FBN2: variants seen among roughly 807,000 people sequenced by gnomAD.
The protein encoded by FBN2 is fibrillin 2, also known as fibrillin-2.
FBN2 carries 105 observed loss-of-function variants against 355.6 expected under a neutral mutation model. The ratio of observed to expected loss-of-function variants is 0.30; its 90% CI spans 0.25 to 0.35. The LOEUF is 0.35. FBN2 is among the 10% of genes least tolerant of loss of function. The pLI is 1.00. For synonymous variants in FBN2, 1,350 were observed against 1,301.2 expected (o/e 1.04, Z -0.81); for missense variants, 3,280 against 3,758.7 (o/e 0.87, Z 3.33).
At chr5:128,450,373 T>C (rs1340842228) in intron 6 of FBN2, among the ~76,000 whole-genome samples, 4 of 151,586 alleles carry the variant, frequency 2.6e-5, no homozygotes, top group African/African-American at 9.7e-5. Context: ...TAGAAAGTAA[T>C]AAAGGAAAAA....
At chr5:128,495,397 G>C (rs1295286854) in intron 5 of FBN2, among the ~76,000 whole-genome samples, 1 of 152,080 alleles carries the variant, frequency 6.6e-6, no homozygotes, top group African/African-American at 2.4e-5. Context: ...GATATTCAGA[G>C]AAACAGCAGA....
In FBN2 at chr5:128,323,010, T is replaced by G. The variant is rs554398110; in HGVS notation, c.4472-4009A>C. Among the ~76,000 whole-genome samples the G allele has an allele frequency of 3.7e-4, 56 of 152,224 alleles. 1 individual carries two copies. The highest frequency in any genetic ancestry group is 3.3e-3 in the South Asian group (16 of 4,826). On this transcript the variant is annotated intron_variant, in intron 34 of 64. Coordinates refer to ENST00000262464, the MANE Select transcript of FBN2 (RefSeq NM_001999.4). Reference sequence around the variant, plus strand: ...ACATCCCTTGTAAGTTGTATTCCTATGTATTTTATTCTCTTTGTAGCAATT... The same window carrying G: ...ACATCCCTTGTAAGTTGTATTCCTAGGTATTTTATTCTCTTTGTAGCAATT...
intron 7 of FBN2, among the ~76,000 whole-genome samples, chr5:128,427,591 G>T (rs547444452): frequency 2.0e-5 from 3 of 152,280 alleles, no homozygotes; most frequent in East Asian, 3.9e-4. Flanking sequence ...AAATAAAGCT[G>T]CTCTTTATTA....
chr5:128,333,138 CG>C (rs2126892361), intron 31 of FBN2, 104 bp from the exon 32 acceptor site: 2 of 1,026,176 alleles, frequency 1.9e-6, no homozygotes, highest in South Asian at 2.7e-5. Context: ...AAGATGCAAC[CG>C]TATGGAGAAA....
In FBN2 at chr5:128,378,884, TCAA is replaced by T. The variant is rs863223594; in HGVS notation, c.1607_1609del (p.Val536del). 1.2e-6 allele frequency: 2 copies of T among 1,613,120 alleles called. No homozygotes were observed. Among genetic ancestry groups the T allele is most frequent in the Non-Finnish European group, 1.7e-6 (2 of 1,179,286 alleles). Reference sequence around the variant, plus strand: ...AGTGCAGGGATTTGATGTGCATTCATCAACATCTGTGAGCAGCAAAAGAAACCA... The same window carrying T: ...AGTGCAGGGATTTGATGTGCATTCATCATCTGTGAGCAGCAAAAGAAACCA... On this transcript the variant is annotated inframe_deletion, in exon 12 of 65. Coordinates refer to ENST00000262464, the MANE Select transcript of FBN2 (RefSeq NM_001999.4).
At chr5:128,512,827 T>C (rs1341017934) in intron 5 of FBN2, among the ~76,000 whole-genome samples, 1 of 152,214 alleles carries the variant, frequency 6.6e-6, no homozygotes, top group African/African-American at 2.4e-5. Context: ...ATCATTTTGA[T>C]AACTGGGGAG....
At chr5:128,524,821 T>C (rs1433934399) in intron 4 of FBN2, among the ~76,000 whole-genome samples, 1 of 152,148 alleles carries the variant, frequency 6.6e-6, no homozygotes, top group Non-Finnish European at 1.5e-5. Context: ...CTATTATCCC[T>C]GAGGTAAACA....
chr5:128,302,262 G>T (rs529397892), intron 46 of FBN2, among the ~76,000 whole-genome samples: 1 of 152,172 alleles, frequency 6.6e-6, no homozygotes, highest in Non-Finnish European at 1.5e-5. Context: ...AGGGCCATGC[G>T]AATTACAACA....
chr5:128,533,474 A>G (rs1756761958), intron 2 of FBN2, among the ~76,000 whole-genome samples: 1 of 152,212 alleles, frequency 6.6e-6, no homozygotes, highest in Non-Finnish European at 1.5e-5. Context: ...TCCCACAATT[A>G]CTAAAACTAT....
intron 5 of FBN2, among the ~76,000 whole-genome samples, chr5:128,497,190 T>C (rs1755677453): frequency 1.3e-5 from 2 of 152,202 alleles, no homozygotes; most frequent in African/African-American, 2.4e-5. Flanking sequence ...TTTTGAGTTA[T>C]AATGAAGGGC....
At chr5:128,264,309 C>CA (rs1765062845) in intron 62 of FBN2, among the ~76,000 whole-genome samples, 1 of 148,302 alleles carries the variant, frequency 6.7e-6, no homozygotes, top group East Asian at 2.0e-4. Flanking sequence ...CGATGGAAAA[C>CA]AACACTATTT....
At chr5:128,431,641 A>G (rs1250637345) in intron 7 of FBN2, among the ~76,000 whole-genome samples, 1 of 152,128 alleles carries the variant, frequency 6.6e-6, no homozygotes, top group African/African-American at 2.4e-5. Flanking sequence ...TCATCTTTTC[A>G]TTTAAAAGGG....
intron 5 of FBN2, among the ~76,000 whole-genome samples, chr5:128,489,175 T>G (rs1755433778): frequency 6.6e-6 from 1 of 152,194 alleles, no homozygotes; most frequent in Non-Finnish European, 1.5e-5. Context: ...TTTCCTGACT[T>G]TTTAATGATT....
At chr5:128,507,475 T>C (rs1032146559) in intron 5 of FBN2, among the ~76,000 whole-genome samples, 1 of 152,060 alleles carries the variant, frequency 6.6e-6, no homozygotes, top group Non-Finnish European at 1.5e-5. Context: ...ATGGTTGTCT[T>C]ACTGCTAAAC....
intron 36 of FBN2, among the ~76,000 whole-genome samples, chr5:128,313,202 T>A (rs1750107680): frequency 6.6e-6 from 1 of 152,124 alleles, no homozygotes; most frequent in Non-Finnish European, 1.5e-5. Flanking sequence ...AAAGATAGCC[T>A]GCAACAAACT....
At chr5:128,418,536 T>G (rs979934634) in intron 7 of FBN2, among the ~76,000 whole-genome samples, 1 of 152,150 alleles carries the variant, frequency 6.6e-6, no homozygotes, top group Non-Finnish European at 1.5e-5. Context: ...GGTTTTGGTA[T>G]GTTGCGTTTC....
intron 15 of FBN2, 152 bp from the exon 16 acceptor site, chr5:128,369,486 G>A (rs1179114869): frequency 1.4e-6 from 1 of 704,496 alleles, no homozygotes; most frequent in Non-Finnish European, 2.4e-6. Flanking sequence ...ATCTAATAGT[G>A]TTAGGAAATC....
intron 7 of FBN2, among the ~76,000 whole-genome samples, chr5:128,431,784 T>G (rs1267638801): frequency 6.6e-6 from 1 of 152,206 alleles, no homozygotes; most frequent in East Asian, 1.9e-4. Flanking sequence ...ATCTGATAAC[T>G]GAGGCAGCTA....
chr5:128,310,388 ATATATATATATATAT>A (rs1221038716), intron 39 of FBN2, among the ~76,000 whole-genome samples: 16 of 74,036 alleles, frequency 2.2e-4, no homozygotes, highest in African/African-American at 1.1e-3. Context: ...ATATATATAT[ATATATATATATATAT>A]TTTTTTTTTT....
Sources: gnomAD v4.1 joint callset for allele counts (sites outside exome capture counted in the v4.1 genomes callset) on GRCh38, gnomAD v4.1.1 for gene constraint, MANE v1.5 for transcripts, NCBI Gene and HGNC (gene_info 2026-07-23, HGNC 2026-07-21) for gene names.